VTI1A: variants seen among roughly 807,000 people sequenced by gnomAD.
VTI1A encodes vesicle transport through interaction with t-SNAREs homolog 1A.
Under a neutral mutation model 34.9 loss-of-function variants are expected in VTI1A, and 22 were observed. That is an observed-to-expected ratio of 0.63 (90% CI 0.45 to 0.90). The LOEUF (loss-of-function observed/expected upper bound fraction) is 0.90. VTI1A is among the 40% of genes least tolerant of loss of function. The probability of loss-of-function intolerance (pLI) is 0.00; values close to 1 mark genes in which losing one functional copy is unlikely to be tolerated. For synonymous variants in VTI1A, 87 were observed against 97.3 expected, an observed-to-expected ratio of 0.89 and a Z score of 0.62; for missense variants, 268 against 275.6, an observed-to-expected ratio of 0.97 and a Z score of 0.20.
At chr10:112,843,772 C>T in the VTI1A span, among the ~76,000 whole-genome samples, 1 of 152,146 alleles carries the variant, frequency 6.6e-6, no homozygotes, top group South Asian at 2.1e-4. Context: ...ATCATGTGGT[C>T]AGCTCTTTCA....
chr10:112,854,584 G>A, the VTI1A span, among the ~76,000 whole-genome samples: 1 of 152,168 alleles, frequency 6.6e-6, no homozygotes, highest in Non-Finnish European at 1.5e-5. Context: ...TGTGACTTTC[G>A]ACCGTCTCAT....
chr10:112,754,983 G>A (rs1057294427), intron 7 of VTI1A, among the ~76,000 whole-genome samples: 13 of 152,178 alleles, frequency 8.5e-5, no homozygotes, highest in Non-Finnish European at 2.9e-5. Context: ...TTAGCTGGGC[G>A]CGGTGGCTCA....
intron 1 of VTI1A, among the ~76,000 whole-genome samples, chr10:112,454,856 T>A (rs1044800887): frequency 6.6e-6 from 1 of 152,090 alleles, no homozygotes; most frequent in Non-Finnish European, 1.5e-5. Flanking sequence ...TGTTGAACTT[T>A]CAGGAAATAA....
intron 5 of VTI1A, among the ~76,000 whole-genome samples, chr10:112,664,642 T>C (rs2133827757): frequency 6.6e-6 from 1 of 152,302 alleles, no homozygotes; most frequent in East Asian, 1.9e-4. Context: ...TTCCAAAAGA[T>C]TGAAAAGTAA....
chr10:112,634,527 AC>A (rs1564858659), intron 5 of VTI1A, among the ~76,000 whole-genome samples: 12 of 147,558 alleles, frequency 8.1e-5, no homozygotes, highest in Non-Finnish European at 1.8e-4. Context: ...ACACACACAC[AC>A]ACACACACAC....
chr10:112,651,258 T>TAC, intron 5 of VTI1A, among the ~76,000 whole-genome samples: 1 of 152,324 alleles, frequency 6.6e-6, no homozygotes, highest in Non-Finnish European at 1.5e-5. Flanking sequence ...TTATAATATC[T>TAC]CAATGTCTTA....
intron 5 of VTI1A, among the ~76,000 whole-genome samples, chr10:112,636,671 G>A (rs1231168510): frequency 6.6e-6 from 1 of 150,458 alleles, no homozygotes; most frequent in African/African-American, 2.5e-5. Flanking sequence ...GGAGGTTGCA[G>A]TGAGCTGAGA....
At chr10:112,759,822 G>C (rs1042799260) in intron 7 of VTI1A, among the ~76,000 whole-genome samples, 1 of 152,008 alleles carries the variant, frequency 6.6e-6, no homozygotes, top group Non-Finnish European at 1.5e-5. Context: ...AGCACTCCAG[G>C]TCTGCCTGGA....
At chr10:112,485,281 TAAAAAAAAAAGAAAA>T (rs1848583126) in intron 3 of VTI1A, 1 of 144,210 alleles carries the variant, frequency 6.9e-6, no homozygotes, top group South Asian at 2.2e-4. Context: ...AAACTCTGTC[TAAAAAAAAAAGAAAA>T]AAAGAAAAAA....
At chr10:112,743,486 T>A (rs1850770893) in intron 7 of VTI1A, among the ~76,000 whole-genome samples, 1 of 152,184 alleles carries the variant, frequency 6.6e-6, no homozygotes, top group Admixed American at 6.5e-5. Flanking sequence ...CAGTGTGGTT[T>A]CTCCTTGCAA....
intron 5 of VTI1A, among the ~76,000 whole-genome samples, chr10:112,551,161 G>T (rs111561109): frequency 2.7e-5 from 4 of 148,994 alleles, no homozygotes; most frequent in African/African-American, 7.4e-5. Context: ...GGAGAATGGT[G>T]TGAACCCGGC....
In VTI1A at chr10:112,580,901, G is replaced by A. The variant is rs114122766; in HGVS notation, c.427+42571G>A. On this transcript the variant is annotated intron_variant, in intron 5 of 7. Transcript: ENST00000393077. ...AGGAATAACTACGTACTGGAATTAC[G>A]AATGTACATGTCTTCTTAGAGGGCA... Among the ~76,000 whole-genome samples, 937 of 152,248 alleles carry A rather than the reference G, an allele frequency of 6.2e-3. 19 individuals are homozygous for A. Among genetic ancestry groups the A allele is most frequent in the African/African-American group, 0.022 (897 of 41,528 alleles).
At chr10:112,680,557 T>G (rs577369138) in intron 7 of VTI1A, among the ~76,000 whole-genome samples, 99 of 152,330 alleles carry the variant, frequency 6.5e-4, no homozygotes, top group Admixed American at 6.3e-3. Flanking sequence ...ATATGGAGAT[T>G]CCCTTAAGAA....
intron 1 of VTI1A, among the ~76,000 whole-genome samples, chr10:112,457,015 G>T (rs185526187): frequency 6.6e-6 from 1 of 152,248 alleles, no homozygotes; most frequent in East Asian, 1.9e-4. Flanking sequence ...AATCACTTCT[G>T]TCGCATTCAG....
rs768159688 is a variant in VTI1A, at chr10:112,656,521, A to ATTTTTTTT, written c.428-11681_428-11674dup. Reference sequence around the variant, plus strand: ...TACAGGAGCATACCACACCCAGATAATTTTTTTTTTTTTTTTTTTTTTTGA... The same window carrying ATTTTTTTT: ...TACAGGAGCATACCACACCCAGATAATTTTTTTTTTTTTTTTTTTTTTTTTTTTTTTGA... On this transcript the variant is annotated intron_variant, in intron 5 of 7. Transcript: ENST00000393077. Among the ~76,000 whole-genome samples, 225 of 103,130 alleles carry ATTTTTTTT rather than the reference A, an allele frequency of 2.2e-3. 3 individuals are homozygous for ATTTTTTTT. Among genetic ancestry groups the ATTTTTTTT allele is most frequent in the East Asian group, 9.2e-3 (27 of 2,932 alleles). The allele number at this position is 103,130 out of a possible 152,430, so 67.7% of individuals were successfully genotyped here. A position where few individuals can be genotyped will look rare whatever the true frequency, so the allele number is the denominator to read the frequency against.
At chr10:112,811,981 T>C (rs1853333855) in intron 7 of VTI1A, among the ~76,000 whole-genome samples, 1 of 152,256 alleles carries the variant, frequency 6.6e-6, no homozygotes, top group Admixed American at 6.5e-5. Context: ...AATAGTACTT[T>C]GTGAGTTCAG....
intron 7 of VTI1A, among the ~76,000 whole-genome samples, chr10:112,742,814 A>G (rs1056608631): frequency 1.4e-4 from 21 of 152,300 alleles, no homozygotes; most frequent in Non-Finnish European, 2.5e-4. Flanking sequence ...ACTTCCTTCC[A>G]TTTAAGGGGA....
At chr10:112,660,844 G>A (rs1263986357) in intron 5 of VTI1A, among the ~76,000 whole-genome samples, 1 of 152,142 alleles carries the variant, frequency 6.6e-6, no homozygotes, top group African/African-American at 2.4e-5. Context: ...CCAGTCAACA[G>A]AATACTTCTG....
intron 3 of VTI1A, among the ~76,000 whole-genome samples, chr10:112,465,737 C>CA (rs1284676884): frequency 6.6e-6 from 1 of 151,996 alleles, no homozygotes; most frequent in East Asian, 1.9e-4. Context: ...GTTTCATGGG[C>CA]AAAGAGTTTC....
Sources: allele counts gnomAD v4.1 joint callset (sites outside exome capture counted in the v4.1 genomes callset), GRCh38; gene constraint gnomAD v4.1.1; transcripts MANE v1.5; gene names NCBI Gene and HGNC (gene_info 2026-07-23, HGNC 2026-07-21).